The following FAT3 variants were observed in gnomAD, a reference collection of about 807,000 sequenced individuals.
FAT3 encodes FAT atypical cadherin 3.
Under a neutral mutation model 310.2 loss-of-function variants are expected in FAT3, and 95 were observed. That is an observed-to-expected ratio of 0.31 (90% confidence interval 0.26 to 0.36). FAT3 has a LOEUF of 0.36. Ranked by LOEUF, FAT3 falls within the 10% of genes least tolerant of loss-of-function variation. FAT3 has a pLI of 1.00. For missense variants in FAT3, 5,408 were observed against 5,715.6 expected (o/e 0.95, Z 1.74); for synonymous variants, 2,314 against 2,192.9 (o/e 1.06, Z -1.54).
chr11:92,624,567 C>G (rs1941238158), intron 3 of FAT3, among the ~76,000 whole-genome samples: 1 of 152,062 alleles, frequency 6.6e-6, no homozygotes, highest in Admixed American at 6.6e-5. Flanking sequence ...TGCTAGTGAT[C>G]CATGTGGAAG....
intron 4 of FAT3, among the ~76,000 whole-genome samples, chr11:92,729,350 T>G (rs1945099320): frequency 6.6e-6 from 1 of 152,158 alleles, no homozygotes; most frequent in Non-Finnish European, 1.5e-5. Flanking sequence ...GTAATAAGAT[T>G]TGAGGGAGAC....
At chr11:92,604,026 C>T (rs547565827) in intron 3 of FAT3, among the ~76,000 whole-genome samples, 14 of 152,344 alleles carry the variant, frequency 9.2e-5, no homozygotes, top group Admixed American at 3.3e-4. Context: ...GGCACCAACA[C>T]AGCTTTCATT....
intron 3 of FAT3, among the ~76,000 whole-genome samples, chr11:92,608,720 CAATAAT>C (rs9299904): frequency 7.6e-5 from 11 of 145,182 alleles, no homozygotes; most frequent in African/African-American, 2.6e-4. Context: ...CTGAATTCAG[CAATAAT>C]AATAATAATA....
intron 3 of FAT3, among the ~76,000 whole-genome samples, chr11:92,667,257 G>C (rs1249001225): frequency 6.6e-6 from 1 of 152,194 alleles, no homozygotes; most frequent in Non-Finnish European, 1.5e-5. Context: ...AAGCTAGTGA[G>C]ACGTGGCAGC....
At chr11:92,572,555 G>A (rs1434603436) in intron 3 of FAT3, among the ~76,000 whole-genome samples, 1 of 152,148 alleles carries the variant, frequency 6.6e-6, no homozygotes, top group Non-Finnish European at 1.5e-5. Flanking sequence ...ATGATAGAGT[G>A]AAATGGAAGA....
chr11:92,681,786 A>G (rs773850047), intron 3 of FAT3, among the ~76,000 whole-genome samples: 28 of 152,186 alleles, frequency 1.8e-4, no homozygotes, highest in Non-Finnish European at 2.9e-4. Context: ...ACGGCTTAAG[A>G]CAGAAAACAC....
Position 92,471,136 on chromosome 11 carries a change from C to A in FAT3, c.3293-53498C>A, listed in dbSNP as rs1011360623. On this transcript the variant is annotated intron_variant, in intron 2 of 27. Transcript: ENST00000525166. The stretch of plus-strand genomic sequence containing the variant: ...ACTTTTTATGACTATTATTTAAGAT[C>A]AGTGCTTTTAATATTTTCCTATTAT... Among the ~76,000 whole-genome samples, 3 of 152,106 alleles carry A rather than the reference C, an allele frequency of 2.0e-5. No individual in the cohort carries two copies. In the South Asian group the frequency reaches 6.2e-4, roughly 31 times the overall value.
Position 92,887,907 on chromosome 11 carries a change from A to T in FAT3, c.13051+794A>T, listed in dbSNP as rs150547178. 4.4e-3 allele frequency among the ~76,000 whole-genome samples: 664 copies of T among 152,340 alleles called. 6 individuals are homozygous for T. The highest frequency in any genetic ancestry group is 0.015 in the African/African-American group (608 of 41,576). On this transcript the variant is annotated intron_variant, in intron 25 of 27. Coordinates refer to ENST00000525166, the MANE Select transcript of FAT3 (RefSeq NM_001367949.2). ...TAATTTCAAACAGTCATCCACAGAG[A>T]CAAGCAGCCTTACCTTAGGTCATTT...
At chr11:92,775,933 G>A (rs1298142223) in intron 7 of FAT3, among the ~76,000 whole-genome samples, 2 of 152,138 alleles carry the variant, frequency 1.3e-5, no homozygotes, top group Non-Finnish European at 2.9e-5. Context: ...ACCCATGGCT[G>A]AGGTGTTACG....
intron 2 of FAT3, among the ~76,000 whole-genome samples, chr11:92,494,029 CTAT>C (rs1952681934): frequency 9.8e-6 from 1 of 101,938 alleles, no homozygotes; most frequent in African/African-American, 4.3e-5. Context: ...TTATCTGATT[CTAT>C]TTTTTTTTTT....
chr11:92,385,193 C>T (rs181751880), intron 2 of FAT3, among the ~76,000 whole-genome samples: 1 of 152,334 alleles, frequency 6.6e-6, no homozygotes, highest in African/African-American at 2.4e-5. Flanking sequence ...TCTCTTTCTA[C>T]AGTCAGGAAG....
At position 92,282,917 on chromosome 11, in the gene FAT3, C is replaced by T. The variant is rs543033426; in HGVS notation, c.-18+57743C>T. 3.3e-5 allele frequency among the ~76,000 whole-genome samples: 5 copies of T among 152,050 alleles called. No individual in the cohort carries two copies. The East Asian group carries it at 9.7e-4, about 30-fold the overall frequency. On this transcript the variant is annotated intron_variant, in intron 1 of 27. Transcript: ENST00000525166. ...AATTGAAAATTGAAAATTTTCTTTGCCCTTGAACAAAGAAAATCTGTGATC... is the reference window on the plus strand; with the variant it reads ...AATTGAAAATTGAAAATTTTCTTTGTCCTTGAACAAAGAAAATCTGTGATC...
intron 3 of FAT3, among the ~76,000 whole-genome samples, chr11:92,546,338 A>G (rs1421453854): frequency 6.6e-6 from 1 of 152,222 alleles, no homozygotes; most frequent in Non-Finnish European, 1.5e-5. Flanking sequence ...TGAGCTAAGG[A>G]AAACAGTGTT....
intron 3 of FAT3, among the ~76,000 whole-genome samples, chr11:92,588,513 G>A (rs548043898): frequency 1.3e-4 from 20 of 152,162 alleles, no homozygotes; most frequent in African/African-American, 4.6e-4. Context: ...TGCAGTTGAA[G>A]TAAAGGAGGC....
At chr11:92,479,489 A>C (rs1952157558) in intron 2 of FAT3, among the ~76,000 whole-genome samples, 1 of 152,214 alleles carries the variant, frequency 6.6e-6, no homozygotes, top group African/African-American at 2.4e-5. Flanking sequence ...GTAGGAACTA[A>C]AATTAAGGCT....
In FAT3 at chr11:92,895,731, A is replaced by G. The variant is rs1400020097; in HGVS notation, c.*4618A>G. On this transcript the variant is annotated 3_prime_UTR_variant, in exon 28 of 28. Transcript: ENST00000525166. ...ATTGTCTTGTACGTTTGCCTGTTGCAAACAGGCTGGTTTGTAAAAGATGTA... is the reference window on the plus strand; with the variant it reads ...ATTGTCTTGTACGTTTGCCTGTTGCGAACAGGCTGGTTTGTAAAAGATGTA... 6.6e-6 allele frequency: 1 copy of G among 152,196 alleles called. No individual in the cohort carries two copies. Among genetic ancestry groups the G allele is most frequent in the Non-Finnish European group, 1.5e-5 (1 of 68,028 alleles). The allele number at this position is 152,196 out of a possible 1,614,324, so 9.4% of individuals were successfully genotyped here. A position where few individuals can be genotyped will look rare whatever the true frequency, so the allele number is the denominator to read the frequency against.
chr11:92,544,589 A>G (rs529236145), intron 3 of FAT3, among the ~76,000 whole-genome samples: 2 of 152,300 alleles, frequency 1.3e-5, no homozygotes, highest in Non-Finnish European at 2.9e-5. Context: ...TGTGTCTGCC[A>G]TCACCTGCCA....
intron 2 of FAT3, among the ~76,000 whole-genome samples, chr11:92,431,647 C>T (rs1273250807): frequency 6.6e-6 from 1 of 152,106 alleles, no homozygotes; most frequent in Non-Finnish European, 1.5e-5. Context: ...GGTTTTAGGT[C>T]TAACATGTAA....
chr11:92,612,725 T>C (rs1312134919), intron 3 of FAT3, among the ~76,000 whole-genome samples: 2 of 152,296 alleles, frequency 1.3e-5, no homozygotes, highest in African/African-American at 4.8e-5. Context: ...AAGGAAGTGC[T>C]GTGTGAAGTT....
Sources: gnomAD v4.1 joint callset for allele counts (sites outside exome capture counted in the v4.1 genomes callset) on GRCh38, gnomAD v4.1.1 for gene constraint, MANE v1.5 for transcripts, NCBI Gene and HGNC (gene_info 2026-07-23, HGNC 2026-07-21) for gene names.